Variants in ATAD2B observed in about 807,000 individuals in gnomAD.
The protein encoded by ATAD2B is ATPase family AAA domain containing 2B, also known as ATPase family AAA domain-containing protein 2B.
ATAD2B carries 40 observed loss-of-function variants against 167.6 expected under a neutral mutation model. That is an observed-to-expected ratio of 0.24 (90% CI 0.19 to 0.31). The LOEUF (loss-of-function observed/expected upper bound fraction) is 0.31. Ranked by LOEUF, ATAD2B falls within the 10% of genes least tolerant of loss-of-function variation. ATAD2B has a pLI of 1.00. For missense variants in ATAD2B, 1,242 were observed against 1,757.2 expected (o/e 0.71, Z 5.24); for synonymous variants, 579 against 596.5 (o/e 0.97, Z 0.43).
chr2:23,693,426 C>T, the ATAD2B span: 1 of 1,551,762 alleles, frequency 6.4e-7, no homozygotes, highest in South Asian at 1.2e-5. Context: ...AGGACGACTT[C>T]ATCGCCTACG....
the ATAD2B span, chr2:23,703,573 C>T: frequency 6.1e-6 from 7 of 1,142,456 alleles, no homozygotes; most frequent in South Asian, 6.6e-5. Flanking sequence ...TCCAGGTTCC[C>T]CTAGGCCCCG....
chr2:23,741,745 C>G, the ATAD2B span, among the ~76,000 whole-genome samples: 395 of 152,198 alleles, frequency 2.6e-3, 3 homozygotes, highest in African/African-American at 8.8e-3. Context: ...GCAAAAGAAA[C>G]GACCATCAGA....
At chr2:23,816,414 A>C (rs2149587022) in intron 17 of ATAD2B, among the ~76,000 whole-genome samples, 1 of 152,332 alleles carries the variant, frequency 6.6e-6, no homozygotes. Flanking sequence ...AAGGGTCTAT[A>C]AATTATGGAA....
chr2:23,925,228 A>C (rs181982595), intron 1 of ATAD2B, among the ~76,000 whole-genome samples: 2 of 152,188 alleles, frequency 1.3e-5, no homozygotes, highest in African/African-American at 4.8e-5. Context: ...CCTTATTTCA[A>C]CCTAAGAGAG....
At chr2:23,854,722 A>G (rs1693102138) in intron 13 of ATAD2B, among the ~76,000 whole-genome samples, 1 of 152,194 alleles carries the variant, frequency 6.6e-6, no homozygotes, top group Admixed American at 6.5e-5. Context: ...TTTCAAAGAA[A>G]ACATCCAAGA....
chr2:23,741,378 C>T, the ATAD2B span, among the ~76,000 whole-genome samples: 1 of 151,982 alleles, frequency 6.6e-6, no homozygotes, highest in Non-Finnish European at 1.5e-5. Context: ...GAACAGAACA[C>T]AGCCCTCAGA....
At chr2:23,723,239 G>A in the ATAD2B span, among the ~76,000 whole-genome samples, 1 of 152,064 alleles carries the variant, frequency 6.6e-6, no homozygotes. Flanking sequence ...ACTGTGGTGA[G>A]CTATGATTGC....
chr2:23,834,081 G>A lies in ATAD2B; in HGVS notation c.1569-3C>T. 1 of 1,417,382 alleles carries A rather than the reference G, an allele frequency of 7.1e-7. No individual in the cohort carries two copies. The highest frequency in any genetic ancestry group is 1.3e-5 in the South Asian group (1 of 79,382). 87.8% of individuals were successfully genotyped at this position (1,417,382 alleles called of 1,614,324 possible). A position where few individuals can be genotyped will look rare whatever the true frequency, so the allele number is the denominator to read the frequency against. On this transcript the variant is annotated splice_polypyrimidine_tract_variant and splice_region_variant and intron_variant, in intron 13 of 27. Transcript: ENST00000238789. ...CAAGGAGGGTTGATACTATAGAGCT[G>A]TAAAATAATTTTCAGGCAAAATTAA... is the stretch of plus-strand genomic sequence containing the variant.
intron 1 of ATAD2B, among the ~76,000 whole-genome samples, chr2:23,919,096 A>T (rs1447028594): frequency 6.6e-6 from 1 of 152,148 alleles, no homozygotes; most frequent in African/African-American, 2.4e-5. Context: ...TAACCCTAAC[A>T]CTTTGGAAGG....
At chr2:23,794,426 ATAATGAAAACCCAGACTC>A (rs1478873669) in intron 19 of ATAD2B, among the ~76,000 whole-genome samples, 1 of 152,224 alleles carries the variant, frequency 6.6e-6, no homozygotes, top group Non-Finnish European at 1.5e-5. Flanking sequence ...ACTGAAGTAT[ATAATGAAAACCCAGACTC>A]AGCAGATATG....
chr2:23,798,122 T>C lies in ATAD2B; in HGVS notation c.2640+16A>G, dbSNP rs770748821. On this transcript the variant is annotated intron_variant, in intron 19 of 27. Coordinates refer to ENST00000238789, the MANE Select transcript of ATAD2B (RefSeq NM_017552.4). ...ACAATATAATAAGGAAAGATAAATA[T>C]TTAATCAGTTCTTACCTCTTCAGGC... 7.1e-6 allele frequency: 10 copies of C among 1,398,946 alleles called. No homozygotes were observed. Among genetic ancestry groups the C allele is most frequent in the Non-Finnish European group, 8.7e-6 (9 of 1,039,612 alleles). 86.7% of individuals were successfully genotyped at this position (1,398,946 alleles called of 1,614,324 possible). A position where few individuals can be genotyped will look rare whatever the true frequency, so the allele number is the denominator to read the frequency against.
At chr2:23,867,128 T>A (rs1410274865) in intron 10 of ATAD2B, among the ~76,000 whole-genome samples, 1 of 152,204 alleles carries the variant, frequency 6.6e-6, no homozygotes, top group East Asian at 1.9e-4. Flanking sequence ...CCACTTGTAG[T>A]ATACCTCAGA....
chr2:23,829,026 G>A, intron 14 of ATAD2B, 87 bp from the exon 15 acceptor site: 3 of 837,664 alleles, frequency 3.6e-6, no homozygotes, highest in Admixed American at 2.8e-5. Flanking sequence ...TACGTTAGGT[G>A]GAACAAATTT....
intron 27 of ATAD2B, 97 bp from the exon 28 acceptor site, chr2:23,752,184 T>C (rs1013398506): frequency 7.0e-6 from 6 of 859,076 alleles, no homozygotes; most frequent in Admixed American, 6.6e-5. Context: ...GGGAATGAAT[T>C]TGAGATACAG....
intron 13 of ATAD2B, among the ~76,000 whole-genome samples, chr2:23,842,784 C>G (rs534507599): frequency 1.3e-3 from 194 of 152,248 alleles, no homozygotes; most frequent in African/African-American, 4.6e-3. Flanking sequence ...CTCAAAGGAT[C>G]TAGCTAAAGA....
chr2:23,706,099 T>C, the ATAD2B span, among the ~76,000 whole-genome samples: 1 of 152,212 alleles, frequency 6.6e-6, no homozygotes, highest in African/African-American at 2.4e-5. Flanking sequence ...GTCATTCTTG[T>C]GAGTCATGTT....
chr2:23,850,138 CAA>C (rs751139594), intron 13 of ATAD2B, among the ~76,000 whole-genome samples: 7 of 58,262 alleles, frequency 1.2e-4, no homozygotes, highest in Admixed American at 1.8e-4. Context: ...GACTCCGTCT[CAA>C]AAAAAAAAAA....
chr2:23,769,591 C>T (rs1172933805), intron 22 of ATAD2B, among the ~76,000 whole-genome samples: 1 of 151,970 alleles, frequency 6.6e-6, no homozygotes, highest in Non-Finnish European at 1.5e-5. Flanking sequence ...TCAGCTGTTT[C>T]ATTTTACATT....
the ATAD2B span, among the ~76,000 whole-genome samples, chr2:23,741,093 G>T: frequency 3.9e-4 from 60 of 152,120 alleles, no homozygotes; most frequent in African/African-American, 1.3e-3. Context: ...CTCATGGGTA[G>T]GAAGAATCAA....
Sources: allele counts gnomAD v4.1 joint callset (sites outside exome capture counted in the v4.1 genomes callset), GRCh38; gene constraint gnomAD v4.1.1; transcripts MANE v1.5; gene names NCBI Gene and HGNC (gene_info 2026-07-23, HGNC 2026-07-21).